NCK1: variants seen among roughly 807,000 people sequenced by gnomAD.
The protein encoded by NCK1 is SH2/SH3 adapter protein NCK1.
NCK1 carries 19 observed loss-of-function variants against 36.6 expected under a neutral mutation model. The ratio of observed to expected loss-of-function variants is 0.52; its 90% CI spans 0.36 to 0.76. NCK1 has a LOEUF of 0.76. NCK1 is among the 30% of genes least tolerant of loss of function. NCK1 has a pLI of 0.00. For synonymous variants in NCK1, 165 were observed against 156.0 expected (o/e 1.06, Z -0.43); for missense variants, 358 against 445.6 (o/e 0.80, Z 1.77).
chr3:136,880,850 C>T (rs906401306), intron 1 of NCK1, among the ~76,000 whole-genome samples: 1 of 152,060 alleles, frequency 6.6e-6, no homozygotes, highest in South Asian at 2.1e-4. Flanking sequence ...CTCAAGCAGT[C>T]CTTCCACCTC....
intron 1 of NCK1, among the ~76,000 whole-genome samples, chr3:136,866,218 T>A (rs920897238): frequency 1.3e-5 from 2 of 152,208 alleles, no homozygotes; most frequent in Non-Finnish European, 2.9e-5. Flanking sequence ...TATTTCTTTA[T>A]AGGAGCTGTC....
intron 1 of NCK1, among the ~76,000 whole-genome samples, chr3:136,863,071 G>C (rs1576932936): frequency 1.3e-5 from 1 of 79,112 alleles, no homozygotes; most frequent in Non-Finnish European, 2.8e-5. Context: ...TCAGGAAGCT[G>C]GGTTTTGTTC....
intron 1 of NCK1, among the ~76,000 whole-genome samples, chr3:136,878,180 G>A (rs762442083): frequency 1.3e-5 from 2 of 152,072 alleles, no homozygotes; most frequent in Non-Finnish European, 2.9e-5. Flanking sequence ...AGGCCAAGAC[G>A]GGCAGATCAC....
rs189948718 is a variant in NCK1, at chr3:136,877,144, A to G, written c.-19+14791A>G. ...AAAATACATAAAAGATTTAAACACT[A>G]TAATTATCAAATGAATCTAATTGAC... On this transcript the variant is annotated intron_variant, in intron 1 of 3. Transcript: ENST00000481752. Among the ~76,000 whole-genome samples the G allele has an allele frequency of 1.1e-4, 17 of 152,328 alleles. No individual in the cohort carries two copies. The East Asian group carries it at 1.5e-3, about 14-fold the overall frequency.
chr3:136,864,263 CA>C (rs1327560292), intron 1 of NCK1, among the ~76,000 whole-genome samples: 1 of 151,904 alleles, frequency 6.6e-6, no homozygotes, highest in African/African-American at 2.4e-5. Flanking sequence ...GAGGCCGAGG[CA>C]GGCGGATCAC....
chr3:136,947,669 T>C (rs890300725), intron 3 of NCK1, among the ~76,000 whole-genome samples: 1 of 152,168 alleles, frequency 6.6e-6, no homozygotes, highest in African/African-American at 2.4e-5. Context: ...AGATTGGTGA[T>C]ACACTGTCAT....
chr3:136,891,813 A>G (rs575803643), intron 1 of NCK1, among the ~76,000 whole-genome samples: 1 of 152,254 alleles, frequency 6.6e-6, no homozygotes, highest in South Asian at 2.1e-4. Flanking sequence ...TCATCTTTTC[A>G]TGTGCTTATT....
intron 1 of NCK1, among the ~76,000 whole-genome samples, chr3:136,878,652 T>C (rs1938842191): frequency 6.6e-6 from 1 of 152,086 alleles, no homozygotes; most frequent in Non-Finnish European, 1.5e-5. Flanking sequence ...AAACATTGAA[T>C]TGTATACTTT....
chr3:136,938,694 T>C (rs2108142905), intron 2 of NCK1, among the ~76,000 whole-genome samples: 1 of 152,346 alleles, frequency 6.6e-6, no homozygotes, highest in Middle Eastern at 3.4e-3. Context: ...AGTGATGTTG[T>C]GAATTCTATG....
At chr3:136,933,710 CTT>C (rs11316539) in intron 2 of NCK1, among the ~76,000 whole-genome samples, 6 of 150,368 alleles carry the variant, frequency 4.0e-5, no homozygotes, top group East Asian at 2.0e-4. Context: ...TTTAAGTAAT[CTT>C]TTTTTTTTTC....
chr3:136,872,630 T>C (rs1938657286), intron 1 of NCK1, among the ~76,000 whole-genome samples: 1 of 152,028 alleles, frequency 6.6e-6, no homozygotes, highest in African/African-American at 2.4e-5. Flanking sequence ...GTGTCGGAGG[T>C]CTTCATGGCA....
intron 2 of NCK1, chr3:136,928,634 A>G (rs937747738): frequency 1.4e-4 from 24 of 166,340 alleles, no homozygotes; most frequent in Admixed American, 5.6e-5. Flanking sequence ...AAAACCCTCC[A>G]TTTTGTTTTT....
chr3:136,950,814 T>C lies in NCK1; in HGVS notation c.*2361T>C, dbSNP rs1940953774. 6.6e-6 allele frequency among the ~76,000 whole-genome samples: 1 copy of C among 152,126 alleles called. No homozygotes were observed. The highest frequency in any genetic ancestry group is 1.5e-5 in the Non-Finnish European group (1 of 68,004). ...TGAGGAGAATGCTTAGTTTCAAATT[T>C]AAATACATGTGTCAGATGGAACCCT... On this transcript the variant is annotated 3_prime_UTR_variant, in exon 4 of 4. Transcript: ENST00000481752.
At chr3:136,897,789 CA>C (rs1939428590) in intron 1 of NCK1, among the ~76,000 whole-genome samples, 1 of 152,068 alleles carries the variant, frequency 6.6e-6, no homozygotes. Flanking sequence ...AAGTATTATA[CA>C]TTTTTAATGG....
intron 1 of NCK1, among the ~76,000 whole-genome samples, chr3:136,869,143 G>A (rs1305839456): frequency 6.6e-6 from 1 of 152,200 alleles, no homozygotes; most frequent in South Asian, 2.1e-4. Flanking sequence ...GGGAGGCAGA[G>A]GCAGGAGAAT....
At chr3:136,945,109 G>T (rs924544082) in intron 2 of NCK1, among the ~76,000 whole-genome samples, 2 of 152,188 alleles carry the variant, frequency 1.3e-5, no homozygotes, top group Non-Finnish European at 2.9e-5. Context: ...AGACATAACT[G>T]CAATTTTATA....
rs138670645 is a variant in NCK1 at position 136,870,929 on chromosome 3, A to G, written c.-19+8576A>G. Among the ~76,000 whole-genome samples the G allele has an allele frequency of 2.6e-5, 4 of 152,290 alleles. No individual in the cohort carries two copies. The East Asian group carries it at 7.7e-4, about 29-fold the overall frequency. ...AATATTAATTTCTCTCACACCAGAG[A>G]AATCCAGGGTTGGCATGGCATTCAT... is the stretch of plus-strand genomic sequence containing the variant. On this transcript the variant is annotated intron_variant, in intron 1 of 3. Coordinates refer to ENST00000481752, the MANE Select transcript of NCK1 (RefSeq NM_001291999.2).
intron 1 of NCK1, among the ~76,000 whole-genome samples, chr3:136,904,959 A>G (rs1320503509): frequency 8.4e-6 from 1 of 119,598 alleles, no homozygotes; most frequent in East Asian, 2.6e-4. Flanking sequence ...CGTAGTTTGT[A>G]TTTCATTCAG....
At chr3:136,899,538 G>T in intron 1 of NCK1, 4 of 504,480 alleles carry the variant, frequency 7.9e-6, no homozygotes, top group Middle Eastern at 8.8e-4. Context: ...TGCCAAGTCT[G>T]GTTTGGTGTT....
Sources: allele counts gnomAD v4.1 joint callset (sites outside exome capture counted in the v4.1 genomes callset), GRCh38; gene constraint gnomAD v4.1.1; transcripts MANE v1.5; gene names NCBI Gene and HGNC (gene_info 2026-07-23, HGNC 2026-07-21).